Variants in UCK2 observed in about 807,000 individuals in gnomAD.
The protein encoded by UCK2 is cytidine monophosphokinase 2.
A neutral mutation model predicts 30.8 loss-of-function variants in UCK2; 6 were observed. The ratio of observed to expected loss-of-function variants is 0.19; its 90% CI spans 0.11 to 0.38. The LOEUF is 0.38. Ranked by LOEUF, UCK2 falls within the 10% of genes least tolerant of loss-of-function variation. The pLI is 1.00. For synonymous variants in UCK2, 125 were observed against 133.6 expected (o/e 0.94, Z 0.45); for missense variants, 210 against 339.8 (o/e 0.62, Z 3.00).
intron 1 of UCK2, among the ~76,000 whole-genome samples, chr1:165,832,912 T>C (rs1176684855): frequency 1.3e-5 from 2 of 152,002 alleles, no homozygotes; most frequent in Non-Finnish European, 2.9e-5. Context: ...AATCTGTACC[T>C]GTTTTGAACT....
intron 1 of UCK2, among the ~76,000 whole-genome samples, chr1:165,870,303 G>A (rs945668287): frequency 6.6e-6 from 1 of 150,584 alleles, no homozygotes; most frequent in African/African-American, 2.4e-5. Context: ...GCTCACAGGA[G>A]TTTTTGAGCC....
chr1:165,895,720 A>G (rs1012710906), intron 3 of UCK2: 18 of 908,346 alleles, frequency 2.0e-5, no homozygotes, highest in South Asian at 1.0e-4. Context: ...CCTCCTTTCA[A>G]TTGCCTCAGG....
intron 1 of UCK2, among the ~76,000 whole-genome samples, chr1:165,884,981 G>A (rs964367931): frequency 2.0e-5 from 3 of 152,204 alleles, no homozygotes; most frequent in African/African-American, 7.2e-5. Flanking sequence ...AGGTTTTCTT[G>A]GTGAGCTTTT....
chr1:165,840,569 G>A (rs1654303208), intron 1 of UCK2, among the ~76,000 whole-genome samples: 1 of 152,234 alleles, frequency 6.6e-6, no homozygotes, highest in Non-Finnish European at 1.5e-5. Context: ...CAGGGTCCAG[G>A]AATGGAGGCA....
chr1:165,845,229 G>A (rs1428317506), intron 1 of UCK2, among the ~76,000 whole-genome samples: 2 of 152,092 alleles, frequency 1.3e-5, no homozygotes, highest in Non-Finnish European at 2.9e-5. Flanking sequence ...ATTGGTTGCT[G>A]GTGGGGAGAA....
At chr1:165,835,790 T>G (rs1256740780) in intron 1 of UCK2, among the ~76,000 whole-genome samples, 2 of 152,246 alleles carry the variant, frequency 1.3e-5, no homozygotes, top group Admixed American at 6.5e-5. Context: ...TCATTTATTT[T>G]TATGCTTGAA....
chr1:165,881,795 A>G (rs1456922176), intron 1 of UCK2, among the ~76,000 whole-genome samples: 1 of 152,232 alleles, frequency 6.6e-6, no homozygotes, highest in African/African-American at 2.4e-5. Flanking sequence ...CCAAACATGT[A>G]ATTACATAAA....
intron 4 of UCK2, chr1:165,902,931 C>T (rs536423921): frequency 8.0e-4 from 251 of 312,246 alleles, no homozygotes; most frequent in African/African-American, 5.1e-3. Flanking sequence ...GGCTGTTGGC[C>T]TCCATGGACA....
At chr1:165,839,294 A>G (rs1174616244) in intron 1 of UCK2, among the ~76,000 whole-genome samples, 1 of 152,206 alleles carries the variant, frequency 6.6e-6, no homozygotes, top group African/African-American at 2.4e-5. Flanking sequence ...TGTTTGAACA[A>G]GAGAGGTAGT....
At chr1:165,879,655 A>G (rs773645410) in intron 1 of UCK2, among the ~76,000 whole-genome samples, 7 of 151,916 alleles carry the variant, frequency 4.6e-5, no homozygotes, top group South Asian at 2.1e-4. Context: ...AACGTGGTCT[A>G]TGTGGCTTTG....
chr1:165,840,814 G>A (rs991066703), intron 1 of UCK2, among the ~76,000 whole-genome samples: 2 of 152,158 alleles, frequency 1.3e-5, no homozygotes, highest in Non-Finnish European at 2.9e-5. Context: ...GTAGTAGGTA[G>A]TTAGGGGGAG....
rs557135998 is a variant in UCK2, at chr1:165,910,196, C to G, written c.*2373C>G. 1 of 152,378 alleles carries G rather than the reference C, an allele frequency of 6.6e-6. No individual in the cohort carries two copies. The highest frequency in any genetic ancestry group is 2.4e-5 in the African/African-American group (1 of 41,586). The allele number at this position is 152,378 out of a possible 1,614,324, so 9.4% of individuals were successfully genotyped here. On this transcript the variant is annotated 3_prime_UTR_variant, in exon 7 of 7. Transcript: ENST00000367879. ...AACAAGGAAGGGATGGAAGGCTCTACCCCTCCGTGGCAGCCCAGCATTTGG... is the reference window on the plus strand; with the variant it reads ...AACAAGGAAGGGATGGAAGGCTCTAGCCCTCCGTGGCAGCCCAGCATTTGG...
At chr1:165,855,204 G>A (rs569947184) in intron 1 of UCK2, among the ~76,000 whole-genome samples, 76 of 152,312 alleles carry the variant, frequency 5.0e-4, no homozygotes, top group African/African-American at 1.8e-3. Context: ...GAATGACATA[G>A]ATTGTGATTG....
chr1:165,884,951 A>G (rs896311779), intron 1 of UCK2, among the ~76,000 whole-genome samples: 26 of 152,216 alleles, frequency 1.7e-4, no homozygotes, highest in African/African-American at 6.0e-4. Flanking sequence ...TCTTTTGAAC[A>G]TAATAAACAT....
At chr1:165,857,566 T>G (rs1019904479) in intron 1 of UCK2, among the ~76,000 whole-genome samples, 1 of 151,662 alleles carries the variant, frequency 6.6e-6, no homozygotes, top group Non-Finnish European at 1.5e-5. Context: ...TGAGCAGGAG[T>G]TAGGCAGATT....
intron 1 of UCK2, among the ~76,000 whole-genome samples, chr1:165,848,408 G>A (rs1187408093): frequency 6.6e-6 from 1 of 152,144 alleles, no homozygotes; most frequent in Non-Finnish European, 1.5e-5. Context: ...AGTGCAGGAG[G>A]ACTGCTTGAG....
chr1:165,902,103 G>A (rs890676796), intron 4 of UCK2, among the ~76,000 whole-genome samples: 7 of 152,142 alleles, frequency 4.6e-5, no homozygotes, highest in Non-Finnish European at 1.0e-4. Context: ...AGGCGTGGTG[G>A]CAGGTGCCTG....
At chr1:165,892,218 C>T (rs555792967) in intron 3 of UCK2, 15 of 148,154 alleles carry the variant, frequency 1.0e-4, no homozygotes, top group African/African-American at 3.5e-4. Flanking sequence ...AGGATACCAT[C>T]CTCACGCCTC....
chr1:165,869,532 C>CTTGT, intron 1 of UCK2, among the ~76,000 whole-genome samples: 1 of 151,968 alleles, frequency 6.6e-6, no homozygotes, highest in African/African-American at 2.4e-5. Context: ...TACAAGTTCA[C>CTTGT]ATTCCTGCCA....
Sources: allele counts gnomAD v4.1 joint callset (sites outside exome capture counted in the v4.1 genomes callset), GRCh38; gene constraint gnomAD v4.1.1; transcripts MANE v1.5; gene names NCBI Gene and HGNC (gene_info 2026-07-23, HGNC 2026-07-21).